The following ABTB3 variants were observed in gnomAD, a reference collection of about 807,000 sequenced individuals.
The protein encoded by ABTB3 is ankyrin repeat and BTB domain containing 3, also known as ankyrin repeat- and BTB/POZ domain-containing protein 3.
the ABTB3 span, chr12:107,650,871 T>C: frequency 1.8e-3 from 268 of 152,368 alleles, 1 homozygote; most frequent in African/African-American, 6.3e-3. Context: ...CCACTCCCAC[T>C]GCTTCATTTG....
At chr12:107,425,312 A>T in the ABTB3 span, among the ~76,000 whole-genome samples, 1 of 152,194 alleles carries the variant, frequency 6.6e-6, no homozygotes, top group African/African-American at 2.4e-5. Flanking sequence ...TTATCTAAAC[A>T]TTAAAAGGAA....
chr12:107,343,989 G>T, the ABTB3 span, among the ~76,000 whole-genome samples: 9 of 152,070 alleles, frequency 5.9e-5, no homozygotes, highest in Non-Finnish European at 4.4e-5. Flanking sequence ...ATTTGGGTGG[G>T]GACAGAGAGC....
chr12:107,482,947 T>C, the ABTB3 span, among the ~76,000 whole-genome samples: 24 of 35,022 alleles, frequency 6.9e-4, 1 homozygote, highest in African/African-American at 2.5e-3. Flanking sequence ...TTTCTTTCTT[T>C]CTTTCTTTCT....
At chr12:107,459,647 C>G in the ABTB3 span, among the ~76,000 whole-genome samples, 2 of 152,238 alleles carry the variant, frequency 1.3e-5, no homozygotes, top group African/African-American at 4.8e-5. Context: ...GAGGGAGCAG[C>G]AGATGCAACA....
At chr12:107,524,288 A>G in the ABTB3 span, among the ~76,000 whole-genome samples, 4 of 152,104 alleles carry the variant, frequency 2.6e-5, no homozygotes, top group African/African-American at 9.7e-5. Context: ...AAGGAATAAA[A>G]TTGCCTTTTT....
the ABTB3 span, among the ~76,000 whole-genome samples, chr12:107,367,798 C>T: frequency 6.6e-6 from 1 of 152,186 alleles, no homozygotes; most frequent in Non-Finnish European, 1.5e-5. Context: ...AGCCACCACT[C>T]CCGGCCTCTC....
At chr12:107,571,245 CCT>C in the ABTB3 span, among the ~76,000 whole-genome samples, 1 of 152,298 alleles carries the variant, frequency 6.6e-6, no homozygotes, top group South Asian at 2.1e-4. Flanking sequence ...TTACAATTCC[CCT>C]GTTTCACATA....
chr12:107,518,842 A>T, the ABTB3 span, among the ~76,000 whole-genome samples: 10 of 145,198 alleles, frequency 6.9e-5, no homozygotes, highest in Non-Finnish European at 1.2e-4. Flanking sequence ...AATACTTAAT[A>T]CTTGTTCTTT....
chr12:107,325,135 A>G, the ABTB3 span, among the ~76,000 whole-genome samples: 1 of 152,246 alleles, frequency 6.6e-6, no homozygotes, highest in Non-Finnish European at 1.5e-5. Context: ...TGGGATTTTG[A>G]ATAGTCTCTT....
the ABTB3 span, among the ~76,000 whole-genome samples, chr12:107,521,122 G>A: frequency 2.6e-5 from 4 of 152,156 alleles, no homozygotes; most frequent in Admixed American, 6.5e-5. Context: ...GAGGACAATG[G>A]TCTTTAATGG....
the ABTB3 span, among the ~76,000 whole-genome samples, chr12:107,334,786 G>A: frequency 6.6e-6 from 1 of 152,152 alleles, no homozygotes; most frequent in African/African-American, 2.4e-5. Flanking sequence ...GGAAGAGGAG[G>A]AACCAGCAGA....
chr12:107,332,223 A>C, the ABTB3 span, among the ~76,000 whole-genome samples: 1 of 152,134 alleles, frequency 6.6e-6, no homozygotes, highest in Non-Finnish European at 1.5e-5. Context: ...TAATGATCAC[A>C]CCAGGTTCTG....
chr12:107,580,902 T>C, the ABTB3 span: 1 of 1,551,224 alleles, frequency 6.4e-7, no homozygotes, highest in Non-Finnish European at 8.7e-7. Flanking sequence ...ATCCCCAGGC[T>C]ACAGATGAGG....
At chr12:107,584,763 A>G in the ABTB3 span, among the ~76,000 whole-genome samples, 1 of 152,114 alleles carries the variant, frequency 6.6e-6, no homozygotes, top group East Asian at 1.9e-4. Flanking sequence ...ACTGCCATTG[A>G]TTTTCAGAGT....
At chr12:107,359,725 C>T in the ABTB3 span, among the ~76,000 whole-genome samples, 1 of 152,108 alleles carries the variant, frequency 6.6e-6, no homozygotes, top group Non-Finnish European at 1.5e-5. Flanking sequence ...CATTTCTAAA[C>T]TTTGTCTGTA....
At chr12:107,567,765 G>A in the ABTB3 span, among the ~76,000 whole-genome samples, 5 of 152,292 alleles carry the variant, frequency 3.3e-5, no homozygotes, top group African/African-American at 7.2e-5. Flanking sequence ...GCATGCAAGC[G>A]ATCTAGGTTG....
the ABTB3 span, among the ~76,000 whole-genome samples, chr12:107,452,400 G>A: frequency 6.6e-6 from 1 of 151,808 alleles, no homozygotes; most frequent in African/African-American, 2.4e-5. Context: ...TAGAGACGGG[G>A]TTTCACTGTG....
At chr12:107,396,777 G>T in the ABTB3 span, among the ~76,000 whole-genome samples, 1 of 152,094 alleles carries the variant, frequency 6.6e-6, no homozygotes, top group Non-Finnish European at 1.5e-5. Context: ...AATCCCTCTT[G>T]GTAGCCACTC....
the ABTB3 span, among the ~76,000 whole-genome samples, chr12:107,606,382 A>G: frequency 6.6e-6 from 1 of 152,280 alleles, no homozygotes; most frequent in African/African-American, 2.4e-5. Context: ...GTCTCTTTCT[A>G]ATTAAAATCA....
Sources: allele counts gnomAD v4.1 joint callset (sites outside exome capture counted in the v4.1 genomes callset), GRCh38; gene constraint gnomAD v4.1.1; transcripts MANE v1.5; gene names NCBI Gene and HGNC (gene_info 2026-07-23, HGNC 2026-07-21).